Variants in TBCD observed in about 807,000 individuals in gnomAD.
TBCD encodes tubulin-specific chaperone D.
A neutral mutation model predicts 169.3 loss-of-function variants in TBCD; 105 were observed. That is an observed-to-expected ratio of 0.62 (90% confidence interval 0.53 to 0.73). The LOEUF is 0.73. Ranked by LOEUF, TBCD falls within the 30% of genes least tolerant of loss-of-function variation. The probability of loss-of-function intolerance (pLI) is 0.00; values close to 1 mark genes in which losing one functional copy is unlikely to be tolerated. For synonymous variants in TBCD, 700 were observed against 643.9 expected (o/e 1.09, Z -1.32); for missense variants, 1,444 against 1,600.1 (o/e 0.90, Z 1.66).
At position 82,763,966 on chromosome 17, in the gene TBCD, A is replaced by G. The variant is rs563500160; in HGVS notation, c.237A>G (p.Glu79=). ...AATGTTTCCTATGTTTTTCCCTAGA[A>G]TGGATGATGAACTTGTTGTTGGACA... ...EQPHLLDPHL[E]WMMNLLLDIV... is the part of the protein sequence containing the mutation. The change falls in exon 3 of 39, where the codon GAA becomes GAG. Residue 79 remains glutamate (E), a splice_region_variant and synonymous_variant. Transcript: ENST00000355528. 1 of 1,613,294 alleles carries G rather than the reference A, an allele frequency of 6.2e-7. No homozygotes were observed. The highest frequency in any genetic ancestry group is 8.5e-7 in the Non-Finnish European group (1 of 1,179,386).
chr17:82,849,930 G>A (rs1598919652), intron 13 of TBCD, among the ~76,000 whole-genome samples: 2 of 151,350 alleles, frequency 1.3e-5, no homozygotes, highest in East Asian at 1.9e-4. Context: ...TGGCTGTTTT[G>A]CTGTTGGCTG....
chr17:82,859,501 A>G, intron 13 of TBCD: 1 of 968,752 alleles, frequency 1.0e-6, no homozygotes, highest in Non-Finnish European at 1.2e-6. Flanking sequence ...ACTGGCTTTC[A>G]GGGAGATTGG....
At chr17:82,846,935 C>T (rs1020388448) in intron 13 of TBCD, among the ~76,000 whole-genome samples, 3 of 152,194 alleles carry the variant, frequency 2.0e-5, no homozygotes, top group African/African-American at 4.8e-5. Context: ...GCTGCACCCC[C>T]GGGGTCCTCA....
chr17:82,805,172 G>A (rs2050865361), intron 9 of TBCD, among the ~76,000 whole-genome samples: 1 of 152,232 alleles, frequency 6.6e-6, no homozygotes. Context: ...AGACTCTGAC[G>A]GCTCCTCACA....
chr17:82,752,586 G>T (rs1195866391), intron 1 of TBCD, among the ~76,000 whole-genome samples: 1 of 152,096 alleles, frequency 6.6e-6, no homozygotes, highest in Non-Finnish European at 1.5e-5. Context: ...GGGCAGACGC[G>T]CGCCTCCCTT....
At chr17:82,756,708 G>T (rs369787760) in intron 2 of TBCD, among the ~76,000 whole-genome samples, 2 of 152,306 alleles carry the variant, frequency 1.3e-5, no homozygotes, top group African/African-American at 4.8e-5. Context: ...TTGATCTCCT[G>T]ACCTCGTGAT....
At position 82,797,653 on chromosome 17, in the gene TBCD, A is replaced by G. The variant is rs2050195007; in HGVS notation, c.772-104A>G. ...TATTATTAGGTGGTGAGTGTTTAGAATAAAAATTCTGAAAGATGTGATGAA... is the reference window on the plus strand; with the variant it reads ...TATTATTAGGTGGTGAGTGTTTAGAGTAAAAATTCTGAAAGATGTGATGAA... On this transcript the variant is annotated intron_variant, in intron 7 of 38. Coordinates refer to ENST00000355528, the MANE Select transcript of TBCD (RefSeq NM_005993.5). 4 of 880,592 alleles carry G rather than the reference A, an allele frequency of 4.5e-6. No individual in the cohort carries two copies. In the Admixed American group the frequency reaches 8.7e-5, roughly 19 times the overall value. The allele number at this position is 880,592 out of a possible 1,614,324, so 54.5% of individuals were successfully genotyped here.
intron 13 of TBCD, among the ~76,000 whole-genome samples, chr17:82,817,613 TA>T (rs1194628303): frequency 6.6e-6 from 1 of 152,086 alleles, no homozygotes; most frequent in Non-Finnish European, 1.5e-5. Context: ...CCTGGCTAAT[TA>T]AAAAAGTTTT....
In TBCD at chr17:82,910,712, C is replaced by T. The variant is rs113731634; in HGVS notation, c.2007-1046C>T. ...TCCCGGGTAGCTGGGACTACAGGTG[C>T]CCCCCATCATGCCCACCTAATTTTT... is the stretch of plus-strand genomic sequence containing the variant. On this transcript the variant is annotated intron_variant, in intron 22 of 38. Transcript: ENST00000355528. 6.5e-4 allele frequency among the ~76,000 whole-genome samples: 99 copies of T among 152,190 alleles called. 1 individual carries two copies. In the Middle Eastern group the frequency reaches 0.01, roughly 16 times the overall value.
At chr17:82,919,088 G>A (rs1188264042) in intron 23 of TBCD, among the ~76,000 whole-genome samples, 1 of 152,118 alleles carries the variant, frequency 6.6e-6, no homozygotes, top group Non-Finnish European at 1.5e-5. Flanking sequence ...TCTTAGTTTA[G>A]AAATTTTCAA....
intron 13 of TBCD, chr17:82,859,621 A>G: frequency 1.0e-6 from 1 of 985,408 alleles, no homozygotes; most frequent in South Asian, 4.7e-5. Context: ...CCCTGTAGTG[A>G]GGACAAAGAG....
At position 82,870,160 on chromosome 17, in the gene TBCD, C is replaced by G. The variant is rs940696469; in HGVS notation, c.1319-64C>G. On this transcript the variant is annotated intron_variant, in intron 13 of 38. Coordinates refer to ENST00000355528, the MANE Select transcript of TBCD (RefSeq NM_005993.5). ...CGCTCCGGCCCTGAGCCCCACTTCT[C>G]TGAAGCCTCACGTGTTGCCCGTGTG... 5 of 1,603,824 alleles carry G rather than the reference C, an allele frequency of 3.1e-6. No individual in the cohort carries two copies. In the African/African-American group the frequency reaches 5.4e-5, roughly 17 times the overall value.
intron 27 of TBCD, 132 bp downstream of exon 27, chr17:82,925,189 C>T (rs139939143): frequency 1.8e-4 from 137 of 747,502 alleles, no homozygotes; most frequent in South Asian, 2.7e-4. Context: ...TCCTGGAAAC[C>T]GGCACCTGTG....
At chr17:82,798,367 C>T (rs898800613) in intron 8 of TBCD, among the ~76,000 whole-genome samples, 16 of 152,040 alleles carry the variant, frequency 1.1e-4, no homozygotes, top group African/African-American at 3.4e-4. Context: ...AGGATGGTCT[C>T]GATCTCCTGA....
chr17:82,942,427 GCTTGT>G lies in TBCD; in HGVS notation c.3565-14_3565-10del, dbSNP rs767320567. ...TGTGTGTTGGAGCTGACCAGCCTGA[GCTTGT>G]CTTGTCTCTTCTTCAGCCTGGTGCC... is the stretch of plus-strand genomic sequence containing the variant. On this transcript the variant is annotated splice_polypyrimidine_tract_variant and intron_variant, in intron 38 of 38. Coordinates refer to ENST00000355528, the MANE Select transcript of TBCD (RefSeq NM_005993.5). The G allele has an allele frequency of 6.2e-7, 1 of 1,613,846 alleles. No individual in the cohort carries two copies. The highest frequency in any genetic ancestry group is 8.5e-7 in the Non-Finnish European group (1 of 1,179,890).
intron 7 of TBCD, among the ~76,000 whole-genome samples, chr17:82,783,575 G>A (rs1001500100): frequency 1.3e-5 from 2 of 152,118 alleles, no homozygotes; most frequent in African/African-American, 2.4e-5. Context: ...TGCTGGTTGC[G>A]GACATCTCAC....
intron 23 of TBCD, among the ~76,000 whole-genome samples, chr17:82,919,105 G>A (rs778214737): frequency 2.7e-5 from 4 of 150,282 alleles, no homozygotes; most frequent in Non-Finnish European, 2.9e-5. Flanking sequence ...TCAAATCTGC[G>A]CAGAAGTAAA....
chr17:82,838,239 C>A (rs940980128), intron 13 of TBCD, among the ~76,000 whole-genome samples: 8 of 151,992 alleles, frequency 5.3e-5, no homozygotes, highest in Non-Finnish European at 1.0e-4. Flanking sequence ...ACAGTTAATG[C>A]AGCAGACAGT....
intron 13 of TBCD, chr17:82,839,832 C>T (rs1051738043): frequency 6.6e-6 from 1 of 152,182 alleles, no homozygotes; most frequent in Admixed American, 6.5e-5. Context: ...AGAGCAGACA[C>T]GGAGCAAACG....
Sources: gnomAD v4.1 joint callset for allele counts (sites outside exome capture counted in the v4.1 genomes callset) on GRCh38, gnomAD v4.1.1 for gene constraint, MANE v1.5 for transcripts, NCBI Gene and HGNC (gene_info 2026-07-23, HGNC 2026-07-21) for gene names.